RGSL1: variants seen among roughly 807,000 people sequenced by gnomAD.
The protein encoded by RGSL1 is regulator of G protein signaling like 1, also known as regulator of G protein signaling protein-like.
A neutral mutation model predicts 124.7 loss-of-function variants in RGSL1; 97 were observed. The ratio of observed to expected loss-of-function variants is 0.78; its 90% CI spans 0.66 to 0.92. The LOEUF is 0.92. Among genes scored for constraint, RGSL1 ranks in the 40% least tolerant of loss-of-function variants. RGSL1 has a pLI of 0.00. For synonymous variants in RGSL1, 424 were observed against 438.1 expected (o/e 0.97, Z 0.40); for missense variants, 1,233 against 1,288.4 (o/e 0.96, Z 0.66).
intron 8 of RGSL1, among the ~76,000 whole-genome samples, chr1:182,492,310 A>G (rs778129800): frequency 1.3e-3 from 203 of 152,176 alleles, no homozygotes; most frequent in Non-Finnish European, 2.1e-3. Flanking sequence ...CATGGCAAAA[A>G]CCCGTCTCTG....
At chr1:182,517,748 G>A (rs1658008462) in intron 9 of RGSL1, among the ~76,000 whole-genome samples, 1 of 152,060 alleles carries the variant, frequency 6.6e-6, no homozygotes, top group Non-Finnish European at 1.5e-5. Context: ...CAACTTGTTT[G>A]TTAAATTTCT....
intron 6 of RGSL1, 69 bp from the exon 7 acceptor site, chr1:182,488,216 A>T (rs1002196299): frequency 7.0e-7 from 1 of 1,425,834 alleles, no homozygotes; most frequent in African/African-American, 1.4e-5. Context: ...TCCCAGGTGA[A>T]CATATGCAGG....
chr1:182,548,318 T>C lies in RGSL1; in HGVS notation c.2671T>C (p.Phe891Leu). 6.4e-7 allele frequency: 1 copy of C among 1,551,982 alleles called. No homozygotes were observed. Among genetic ancestry groups the C allele is most frequent in the East Asian group, 2.4e-5 (1 of 40,914 alleles). ...TCCTACTTCACATTTCTTTTTTAGATTTAATGATCTGGTCAGTTCAGCCCA... is the reference window on the plus strand; with the variant it reads ...TCCTACTTCACATTTCTTTTTTAGACTTAATGATCTGGTCAGTTCAGCCCA... The part of the protein sequence containing the change: ...DLYFFSEMEK[F>L]NDLVSSAHML... The change falls in exon 16 of 22, where the codon TTT (phenylalanine) becomes CTT (leucine). Residue 891 changes from phenylalanine to leucine, a missense_variant and splice_region_variant. Physicochemically the swap from Phe to Leu is conservative, Grantham distance 22 (BLOSUM62 0). Coordinates refer to ENST00000294854, the MANE Select transcript of RGSL1 (RefSeq NM_001137669.2).
chr1:182,560,510 T>C lies in RGSL1; in HGVS notation c.*397T>C, dbSNP rs779408298. The C allele has an allele frequency of 2.6e-5, 4 of 152,252 alleles. No individual in the cohort carries two copies. Among genetic ancestry groups the C allele is most frequent in the African/African-American group, 7.2e-5 (3 of 41,452 alleles). The allele number at this position is 152,252 out of a possible 1,614,324, so 9.4% of individuals were successfully genotyped here. A position where few individuals can be genotyped will look rare whatever the true frequency, so the allele number is the denominator to read the frequency against. ...CATCCGGAGGAGGAGGTGGCCCGTA[T>C]GTGCAGGACCTCAGGGTGCCAGCCC... is the stretch of plus-strand genomic sequence containing the variant. On this transcript the variant is annotated 3_prime_UTR_variant, in exon 22 of 22. Transcript: ENST00000294854.
chr1:182,527,721 T>C lies in RGSL1; in HGVS notation c.2074T>C (p.Ser692Pro), dbSNP rs1460304595. The C allele has an allele frequency of 1.3e-5, 20 of 1,551,086 alleles. No individual in the cohort carries two copies. The highest frequency in any genetic ancestry group is 3.3e-4 in the Middle Eastern group (2 of 5,984). Residue 692 changes from serine (S) to proline (P), a missense_variant, in exon 11 of 22, where the codon TCT becomes CCT. By Grantham distance (74) the Ser-to-Pro change is moderately conservative (BLOSUM62 -1). Coordinates refer to ENST00000294854, the MANE Select transcript of RGSL1 (RefSeq NM_001137669.2). The part of the protein sequence containing the change: ...SIETNEKICK[S>P]LIENVIKTFF... ...AGAGACCAATGAAAAGATTTGCAAG[T>C]CTCTCATAGAAAATGTAATCAAGAC...
At chr1:182,473,471 G>A in intron 5 of RGSL1, 104 bp from the exon 6 acceptor site, 1 of 1,240,098 alleles carries the variant, frequency 8.1e-7, no homozygotes, top group Non-Finnish European at 1.1e-6. Context: ...CTAATAAAAT[G>A]CTATATACAA....
Position 182,530,892 on chromosome 1 carries a change from T to C in RGSL1, c.2346T>C (p.Thr782=). ...GGAAGCCCTCAAAGATAGTGTCAAC[T>C]TACCTACAGGAATCCCAGGTTAGTG... is the stretch of plus-strand genomic sequence containing the variant. ...SSRKPSKIVS[T]YLQESQKKGW... The change falls in exon 13 of 22, where the codon ACT becomes ACC. Residue 782 remains threonine (T), a synonymous_variant. Coordinates refer to ENST00000294854, the MANE Select transcript of RGSL1 (RefSeq NM_001137669.2). 6.5e-7 allele frequency: 1 copy of C among 1,548,812 alleles called. No individual in the cohort carries two copies. Among genetic ancestry groups the C allele is most frequent in the East Asian group, 2.5e-5 (1 of 40,816 alleles).
At chr1:182,478,210 A>C (rs1275615635) in intron 6 of RGSL1, among the ~76,000 whole-genome samples, 1 of 152,178 alleles carries the variant, frequency 6.6e-6, no homozygotes, top group Non-Finnish European at 1.5e-5. Context: ...GGCCTCCCAA[A>C]GTGCTGGGAT....
intron 8 of RGSL1, 48 bp from the exon 9 acceptor site, chr1:182,492,974 C>A: frequency 1.6e-6 from 2 of 1,287,240 alleles, no homozygotes; most frequent in Non-Finnish European, 1.1e-6. Flanking sequence ...TCTTTGAACC[C>A]AGACTTTGGA....
At chr1:182,547,375 A>T (rs1215499393) in intron 15 of RGSL1, among the ~76,000 whole-genome samples, 1 of 38,700 alleles carries the variant, frequency 2.6e-5, no homozygotes, top group East Asian at 2.7e-4. Context: ...GTCAGATAAT[A>T]AAGGATGTGG....
intron 14 of RGSL1, among the ~76,000 whole-genome samples, chr1:182,533,292 G>GCTT (rs990835127): frequency 1.4e-4 from 15 of 110,706 alleles, no homozygotes; most frequent in Non-Finnish European, 1.9e-4. Flanking sequence ...TTTGTAACTT[G>GCTT]CTTCTTTTTT....
chr1:182,509,838 C>G (rs1245129189), intron 9 of RGSL1, among the ~76,000 whole-genome samples: 1 of 138,206 alleles, frequency 7.2e-6, no homozygotes. Context: ...ACCTCCCTCC[C>G]GGACGGGGTG....
chr1:182,543,294 C>G (rs558491225), intron 15 of RGSL1, among the ~76,000 whole-genome samples: 22 of 152,258 alleles, frequency 1.4e-4, no homozygotes, highest in South Asian at 1.0e-3. Context: ...GCTTCATCAT[C>G]TATTGAAATG....
intron 9 of RGSL1, among the ~76,000 whole-genome samples, chr1:182,503,192 T>TA (rs1656532509): frequency 6.6e-6 from 1 of 152,184 alleles, no homozygotes; most frequent in African/African-American, 2.4e-5. Context: ...ATCGAAGAGT[T>TA]ATCTGCACTC....
At chr1:182,471,635 C>A (rs1042522923) in intron 4 of RGSL1, among the ~76,000 whole-genome samples, 1 of 152,176 alleles carries the variant, frequency 6.6e-6, no homozygotes, top group Non-Finnish European at 1.5e-5. Context: ...GTGGCAGCCA[C>A]TGGCCTGGTA....
chr1:182,548,723 G>C lies in RGSL1; in HGVS notation c.2832G>C (p.Lys944Asn). The change falls in exon 17 of 22, where the codon AAG (lysine) becomes AAC (asparagine). Residue 944 changes from lysine to asparagine, a missense_variant. Physicochemically the swap from Lys to Asn is moderately conservative, Grantham distance 94. Transcript: ENST00000294854. ...AGGTGAATGTCCCTGAGTTCCAGAAGGATGCCATCCTTGCTGCCATCACAG... is the reference window on the plus strand; with the variant it reads ...AGGTGAATGTCCCTGAGTTCCAGAACGATGCCATCCTTGCTGCCATCACAG... ...KLRVNVPEFQ[K>N]DAILAAITEG... is the part of the protein sequence containing the mutation. 2 of 1,551,606 alleles carry C rather than the reference G, an allele frequency of 1.3e-6. No homozygotes were observed. Among genetic ancestry groups the C allele is most frequent in the South Asian group, 2.4e-5 (2 of 84,046 alleles).
chr1:182,533,130 G>A (rs531778446), intron 14 of RGSL1, among the ~76,000 whole-genome samples: 7 of 152,238 alleles, frequency 4.6e-5, no homozygotes, highest in South Asian at 4.2e-4. Context: ...TGTTAATAAA[G>A]AGGTAATAAA....
intron 4 of RGSL1, among the ~76,000 whole-genome samples, chr1:182,467,378 C>A (rs1211028471): frequency 6.6e-6 from 1 of 152,146 alleles, no homozygotes; most frequent in African/African-American, 2.4e-5. Context: ...TACCACAAGG[C>A]TACAGTAATC....
At chr1:182,512,167 T>A (rs1030554753) in intron 9 of RGSL1, among the ~76,000 whole-genome samples, 2 of 152,218 alleles carry the variant, frequency 1.3e-5, no homozygotes, top group African/African-American at 4.8e-5. Flanking sequence ...TCTATTAATG[T>A]TTGTTTTATG....
Sources: allele counts gnomAD v4.1 joint callset (sites outside exome capture counted in the v4.1 genomes callset), GRCh38; gene constraint gnomAD v4.1.1; transcripts MANE v1.5; gene names NCBI Gene and HGNC (gene_info 2026-07-23, HGNC 2026-07-21).